Variants in PKP4 observed in about 807,000 individuals in gnomAD.
The protein encoded by PKP4 is plakophilin 4, also known as plakophilin-4.
A neutral mutation model predicts 145.1 loss-of-function variants in PKP4; 90 were observed. The ratio of observed to expected loss-of-function variants is 0.62; its 90% confidence interval spans 0.52 to 0.74. The LOEUF (loss-of-function observed/expected upper bound fraction) is 0.74. Ranked by LOEUF, PKP4 falls within the 30% of genes least tolerant of loss-of-function variation. PKP4 has a pLI of 0.00. For missense variants in PKP4, 1,340 were observed against 1,482.7 expected (o/e 0.90, Z 1.58); for synonymous variants, 563 against 577.2 (o/e 0.98, Z 0.35).
At chr2:158,578,538 T>G (rs1037786459) in intron 3 of PKP4, among the ~76,000 whole-genome samples, 1 of 152,094 alleles carries the variant, frequency 6.6e-6, no homozygotes, top group Non-Finnish European at 1.5e-5. Flanking sequence ...AAATTAGCTT[T>G]AATTCTCTAT....
At chr2:158,641,752 G>A (rs2054303061) in intron 10 of PKP4, among the ~76,000 whole-genome samples, 1 of 152,152 alleles carries the variant, frequency 6.6e-6, no homozygotes. Context: ...AAGGAGAGTA[G>A]CCTAGAGAAC....
chr2:158,621,670 C>G (rs974956002), intron 6 of PKP4, among the ~76,000 whole-genome samples: 11 of 150,240 alleles, frequency 7.3e-5, no homozygotes, highest in African/African-American at 2.7e-4. Flanking sequence ...CACTTGAGCC[C>G]AGGAGGCAGA....
rs748141877 is a variant in PKP4 at position 158,673,692 on chromosome 2, G to A, written c.2940G>A (p.Val980=). 7 of 1,612,086 alleles carry A rather than the reference G, an allele frequency of 4.3e-6. No individual in the cohort carries two copies. Among genetic ancestry groups the A allele is most frequent in the Non-Finnish European group, 5.9e-6 (7 of 1,178,842 alleles). ...KGRGDRSSLK[V]VKAAAQVLNT... ...CTCTACCTAGATCATCTCTGAAAGT[G>A]GTGAAGGCAGCAGCCCAGGTCTTGA... Residue 980 remains valine, a synonymous_variant, in exon 18 of 22, where the codon GTG becomes GTA. Coordinates refer to ENST00000389759, the MANE Select transcript of PKP4 (RefSeq NM_003628.6).
intron 21 of PKP4, chr2:158,678,879 A>G: frequency 1.7e-6 from 1 of 574,294 alleles, no homozygotes; most frequent in Non-Finnish European, 3.2e-6. Flanking sequence ...CCACCGTGCC[A>G]CTGATGGGGA....
chr2:158,673,770 C>A lies in PKP4; in HGVS notation c.3009+9C>A. ...GGAGCATTTATAAAAAGGTAACCTA[C>A]AAGAATAGCTCTGGCATAATTAGCA... On this transcript the variant is annotated intron_variant, in intron 18 of 21. Coordinates refer to ENST00000389759, the MANE Select transcript of PKP4 (RefSeq NM_003628.6). The A allele has an allele frequency of 6.3e-7, 1 of 1,576,608 alleles. No homozygotes were observed. The highest frequency in any genetic ancestry group is 8.7e-7 in the Non-Finnish European group (1 of 1,145,722).
chr2:158,577,437 GGTT>G (rs1475807752), intron 3 of PKP4, 54 bp downstream of exon 3: 2 of 1,133,062 alleles, frequency 1.8e-6, no homozygotes, highest in East Asian at 2.5e-5. Context: ...TGCCTTACTA[GGTT>G]GTTCTCTATG....
intron 12 of PKP4, 172 bp from the exon 13 acceptor site, chr2:158,661,161 G>C: frequency 1.9e-6 from 1 of 532,642 alleles, no homozygotes; most frequent in South Asian, 2.2e-5. Context: ...ATAATGGGGA[G>C]CGGGCCATCA....
chr2:158,583,276 G>A (rs1435430658), intron 3 of PKP4, among the ~76,000 whole-genome samples: 1 of 152,112 alleles, frequency 6.6e-6, no homozygotes, highest in East Asian at 1.9e-4. Context: ...GGGTCCAATA[G>A]CCCACATTGC....
intron 1 of PKP4, among the ~76,000 whole-genome samples, chr2:158,470,208 C>A (rs7598215): frequency 0.78 from 108,636 of 139,720 alleles, 39,423 homozygotes; most frequent in East Asian, 0.91. Flanking sequence ...TGAATGAATA[C>A]TTAAATACTT....
intron 11 of PKP4, among the ~76,000 whole-genome samples, chr2:158,649,260 T>C (rs2055121437): frequency 6.6e-6 from 1 of 151,974 alleles, no homozygotes. Flanking sequence ...CCAGGCTGAG[T>C]TCCTGATGTC....
At chr2:158,516,805 G>T (rs1279656586) in intron 1 of PKP4, among the ~76,000 whole-genome samples, 3 of 151,842 alleles carry the variant, frequency 2.0e-5, no homozygotes, top group African/African-American at 7.3e-5. Flanking sequence ...GGGATTACAG[G>T]CACTTGCCAC....
intron 1 of PKP4, among the ~76,000 whole-genome samples, chr2:158,508,742 A>G (rs1203239300): frequency 5.3e-5 from 8 of 152,226 alleles, no homozygotes. Flanking sequence ...GTGAGCATAC[A>G]TTCTTCTGCG....
At chr2:158,473,017 C>CAA (rs1382576263) in intron 1 of PKP4, among the ~76,000 whole-genome samples, 2 of 151,988 alleles carry the variant, frequency 1.3e-5, no homozygotes, top group Non-Finnish European at 2.9e-5. Context: ...AGACACTTTT[C>CAA]AAAAAAGGAC....
rs989317438 is a variant in PKP4 at position 158,661,276 on chromosome 2, C to T, written c.2094-57C>T. On this transcript the variant is annotated intron_variant, in intron 12 of 21. Coordinates refer to ENST00000389759, the MANE Select transcript of PKP4 (RefSeq NM_003628.6). Reference sequence around the variant, plus strand: ...TCTCAGATCCTTAAGGTTAAGTCCACGTGGCTGATGAGTGCATGGTTCATC... The same window carrying T: ...TCTCAGATCCTTAAGGTTAAGTCCATGTGGCTGATGAGTGCATGGTTCATC... 64 of 1,259,822 alleles carry T rather than the reference C, an allele frequency of 5.1e-5. No individual in the cohort carries two copies. In the Admixed American group the frequency reaches 7.1e-4, roughly 14 times the overall value. The allele number at this position is 1,259,822 out of a possible 1,614,324, so 78.0% of individuals were successfully genotyped here.
chr2:158,495,863 A>C (rs955421239), intron 1 of PKP4, among the ~76,000 whole-genome samples: 30 of 149,352 alleles, frequency 2.0e-4, no homozygotes, highest in Non-Finnish European at 2.9e-4. Context: ...ATAAATAAAT[A>C]AATAAATAAA....
chr2:158,680,943 T>G lies in PKP4; in HGVS notation c.*266T>G, dbSNP rs1469416092. ...GGTGTGGGTGACGTGATGAGAGGTT[T>G]GAGAAATGGGTGAAATGAAATGGGG... On this transcript the variant is annotated 3_prime_UTR_variant, in exon 22 of 22. Transcript: ENST00000389759. 1.4e-5 allele frequency: 5 copies of G among 349,132 alleles called. No individual in the cohort carries two copies. Among genetic ancestry groups the G allele is most frequent in the East Asian group, 1.4e-4 (3 of 21,378 alleles). The allele number at this position is 349,132 out of a possible 1,614,324, so 21.6% of individuals were successfully genotyped here.
chr2:158,652,428 C>A (rs909800726), intron 11 of PKP4, among the ~76,000 whole-genome samples: 17 of 152,046 alleles, frequency 1.1e-4, no homozygotes, highest in Non-Finnish European at 1.8e-4. Context: ...TACTCTCGTC[C>A]CAAGAAAAAG....
In PKP4 at chr2:158,458,037, TTTGGCTGCGTG is replaced by T. The variant is rs1689120311; in HGVS notation, c.-6+827_-6+837del. The T allele has an allele frequency of 3.9e-5, 6 of 152,426 alleles. No homozygotes were observed. The South Asian group carries it at 1.2e-3, about 32-fold the overall frequency. The allele number at this position is 152,426 out of a possible 1,614,324, so 9.4% of individuals were successfully genotyped here. ...CGGAGAGCGAGCGGCGGGGCCGGGA[TTTGGCTGCGTG>T]TTGGCTGAGTGCGACACACCGCGAG... On this transcript the variant is annotated intron_variant, in intron 1 of 21. Transcript: ENST00000389759.
intron 2 of PKP4, among the ~76,000 whole-genome samples, chr2:158,556,080 G>A (rs369897394): frequency 2.0e-5 from 3 of 152,158 alleles, no homozygotes; most frequent in South Asian, 4.1e-4. Flanking sequence ...GTGATAAAGG[G>A]CAATGTCTTA....
Sources: allele counts gnomAD v4.1 joint callset (sites outside exome capture counted in the v4.1 genomes callset), GRCh38; gene constraint gnomAD v4.1.1; transcripts MANE v1.5; gene names NCBI Gene and HGNC (gene_info 2026-07-23, HGNC 2026-07-21).